Variants in CPA6 observed in about 807,000 individuals in gnomAD.
The protein encoded by CPA6 is carboxypeptidase B.
CPA6 carries 58 observed loss-of-function variants against 63.3 expected under a neutral mutation model. That is an observed-to-expected ratio of 0.92 (90% confidence interval 0.74 to 1.14). The LOEUF is 1.14. Ranked by LOEUF, CPA6 falls within the 50% of genes most tolerant of loss-of-function variation. The probability of loss-of-function intolerance (pLI) is 0.00; values close to 1 mark genes in which losing one functional copy is unlikely to be tolerated. For missense variants in CPA6, 565 were observed against 526.6 expected (o/e 1.07, Z -0.71); for synonymous variants, 185 against 179.0 (o/e 1.03, Z -0.27).
intron 2 of CPA6, among the ~76,000 whole-genome samples, chr8:67,621,055 A>C (rs1815069443): frequency 6.6e-6 from 1 of 152,112 alleles, no homozygotes; most frequent in Admixed American, 6.6e-5. Context: ...ACATAACTTT[A>C]CCCCAATAAA....
intron 1 of CPA6, among the ~76,000 whole-genome samples, chr8:67,627,830 G>C (rs1235869274): frequency 6.6e-6 from 1 of 152,154 alleles, no homozygotes; most frequent in East Asian, 1.9e-4. Flanking sequence ...TAATAATCCT[G>C]CTGTACAGTA....
chr8:67,741,059 A>C (rs931984051), intron 1 of CPA6, among the ~76,000 whole-genome samples: 9 of 152,018 alleles, frequency 5.9e-5, no homozygotes, highest in Non-Finnish European at 1.0e-4. Flanking sequence ...GCTCATACCT[A>C]TGGTCATGGG....
At chr8:67,671,133 G>A (rs1816333319) in intron 1 of CPA6, among the ~76,000 whole-genome samples, 1 of 152,188 alleles carries the variant, frequency 6.6e-6, no homozygotes, top group South Asian at 2.1e-4. Flanking sequence ...GGAGCCCAGG[G>A]CTGTTTTAAA....
At chr8:67,683,998 A>AATATAT in intron 1 of CPA6, among the ~76,000 whole-genome samples, 1 of 61,800 alleles carries the variant, frequency 1.6e-5, no homozygotes, top group Non-Finnish European at 2.9e-5. Flanking sequence ...CTGATTTTAA[A>AATATAT]ATGTATATAT....
At chr8:67,526,838 C>T (rs895229374) in intron 2 of CPA6, among the ~76,000 whole-genome samples, 3 of 152,054 alleles carry the variant, frequency 2.0e-5, no homozygotes, top group Non-Finnish European at 4.4e-5. Context: ...TAGTTCCTGC[C>T]CTCTGAGTGA....
At chr8:67,648,371 A>G (rs1436194056) in intron 1 of CPA6, among the ~76,000 whole-genome samples, 1 of 151,014 alleles carries the variant, frequency 6.6e-6, no homozygotes, top group Non-Finnish European at 1.5e-5. Context: ...AATGAGAGAG[A>G]AGGGGTAAAG....
intron 2 of CPA6, among the ~76,000 whole-genome samples, chr8:67,535,438 T>C (rs56060340): frequency 5.5e-4 from 84 of 152,354 alleles, no homozygotes; most frequent in African/African-American, 1.9e-3. Flanking sequence ...GGTTTTGATT[T>C]GCATTTCTCT....
At chr8:67,632,148 CTGTGTGTGTGTGTGTG>C (rs35463897) in intron 1 of CPA6, among the ~76,000 whole-genome samples, 2 of 147,744 alleles carry the variant, frequency 1.4e-5, no homozygotes, top group Non-Finnish European at 3.0e-5. Flanking sequence ...AAAAATGATG[CTGTGTGTGTGTGTGTG>C]TGTGTGTGTG....
intron 8 of CPA6, chr8:67,483,301 T>C (rs1335468220): frequency 6.4e-6 from 1 of 155,634 alleles, no homozygotes; most frequent in African/African-American, 2.4e-5. Flanking sequence ...GCAGCAGAAA[T>C]ACATTCCCAA....
intron 2 of CPA6, among the ~76,000 whole-genome samples, chr8:67,589,315 C>T (rs1264597977): frequency 5.3e-5 from 8 of 152,152 alleles, no homozygotes; most frequent in Admixed American, 5.2e-4. Context: ...TTCAAAAGGA[C>T]TTTGTGCAAA....
At chr8:67,589,419 T>C (rs1470202112) in intron 2 of CPA6, among the ~76,000 whole-genome samples, 1 of 152,146 alleles carries the variant, frequency 6.6e-6, no homozygotes, top group African/African-American at 2.4e-5. Flanking sequence ...TAGACAGACA[T>C]TTAATATCAG....
intron 6 of CPA6, among the ~76,000 whole-genome samples, chr8:67,502,067 T>C (rs1317941140): frequency 2.6e-5 from 4 of 152,230 alleles, no homozygotes; most frequent in African/African-American, 9.6e-5. Flanking sequence ...TTTTATATCT[T>C]CAGAGTTTGT....
intron 1 of CPA6, among the ~76,000 whole-genome samples, chr8:67,731,263 C>CA (rs1191743987): frequency 3.9e-5 from 6 of 152,260 alleles, no homozygotes; most frequent in African/African-American, 7.2e-5. Flanking sequence ...TTTTCACACA[C>CA]AAAAAAAGAG....
chr8:67,531,349 T>C (rs1812473661), intron 2 of CPA6, among the ~76,000 whole-genome samples: 1 of 151,980 alleles, frequency 6.6e-6, no homozygotes, highest in Non-Finnish European at 1.5e-5. Context: ...AATAAAAATA[T>C]CCTCTTACAT....
At chr8:67,423,415 CTG>C (rs1340932531) in intron 10 of CPA6, among the ~76,000 whole-genome samples, 2 of 152,212 alleles carry the variant, frequency 1.3e-5, no homozygotes, top group Non-Finnish European at 2.9e-5. Context: ...TTCCACCTCC[CTG>C]TGTTTCCACT....
chr8:67,733,046 A>AAG (rs1239859537), intron 1 of CPA6, among the ~76,000 whole-genome samples: 2 of 151,712 alleles, frequency 1.3e-5, no homozygotes, highest in East Asian at 3.9e-4. Context: ...AATACAAAAA[A>AAG]TTAGCCAGGT....
In CPA6 at chr8:67,598,300, G is replaced by A. The variant is rs539558808; in HGVS notation, c.192+25876C>T. 2.0e-5 allele frequency among the ~76,000 whole-genome samples: 3 copies of A among 152,162 alleles called. No individual in the cohort carries two copies. In the East Asian group the frequency reaches 5.8e-4, roughly 29 times the overall value. On this transcript the variant is annotated intron_variant, in intron 2 of 10. Coordinates refer to ENST00000297770, the MANE Select transcript of CPA6 (RefSeq NM_020361.5). ...CCCAGTAATTCTTATTACCTTGCTT[G>A]CTTTTTGATGTTTTAAAGAAAATAT...
chr8:67,640,445 A>G (rs991787189), intron 1 of CPA6, among the ~76,000 whole-genome samples: 6 of 151,248 alleles, frequency 4.0e-5, no homozygotes, highest in Non-Finnish European at 5.9e-5. Flanking sequence ...TCTGGGTTTC[A>G]AAATTGCCTG....
chr8:67,651,292 G>A (rs1361342644), intron 1 of CPA6, among the ~76,000 whole-genome samples: 2 of 152,082 alleles, frequency 1.3e-5, no homozygotes, highest in Admixed American at 1.3e-4. Context: ...TGATTTAAAT[G>A]TTCTGAGATT....
Sources: allele counts gnomAD v4.1 joint callset (sites outside exome capture counted in the v4.1 genomes callset), GRCh38; gene constraint gnomAD v4.1.1; transcripts MANE v1.5; gene names NCBI Gene and HGNC (gene_info 2026-07-23, HGNC 2026-07-21).